Variants in XIRP2 observed in about 807,000 individuals in gnomAD.
XIRP2 encodes xin actin-binding repeat-containing protein 2.
Under a neutral mutation model 277.0 loss-of-function variants are expected in XIRP2, and 236 were observed. That is an observed-to-expected ratio of 0.85 (90% CI 0.77 to 0.95). XIRP2 has a LOEUF of 0.95. Ranked by LOEUF, XIRP2 falls within the 40% of genes least tolerant of loss-of-function variation. The pLI is 0.00. For synonymous variants in XIRP2, 1,490 were observed against 1,416.5 expected, an observed-to-expected ratio of 1.05 and a Z score of -1.17; for missense variants, 4,640 against 4,157.5, an observed-to-expected ratio of 1.12 and a Z score of -3.19.
intron 2 of XIRP2, among the ~76,000 whole-genome samples, chr2:167,051,703 T>C (rs1188404263): frequency 6.6e-6 from 1 of 152,120 alleles, no homozygotes; most frequent in Non-Finnish European, 1.5e-5. Flanking sequence ...ACCTTTTTGG[T>C]CTAAGTATCT....
Position 167,212,920 on chromosome 2 carries a change from C to T in XIRP2, c.723+2025C>T, listed in dbSNP as rs534743901. Among the ~76,000 whole-genome samples, 742 of 127,220 alleles carry T rather than the reference C, an allele frequency of 5.8e-3. 8 individuals carry two copies. Among genetic ancestry groups the T allele is most frequent in the African/African-American group, 0.02 (692 of 34,330 alleles). 83.5% of individuals were successfully genotyped at this position (127,220 alleles called of 152,430 possible). On this transcript the variant is annotated intron_variant, in intron 4 of 10. Transcript: ENST00000409195. ...CCACCCCCCCACCCCTCTGCACACA[C>T]ACACACACACACCAAAAAAAATCAT...
intron 2 of XIRP2, among the ~76,000 whole-genome samples, chr2:166,971,128 A>T (rs910038052): frequency 1.3e-5 from 2 of 151,882 alleles, no homozygotes; most frequent in Non-Finnish European, 2.9e-5. Flanking sequence ...TAAGAGTAAA[A>T]CTCATCTCTT....
At chr2:167,106,318 G>A (rs1254586639) in intron 2 of XIRP2, among the ~76,000 whole-genome samples, 1 of 151,770 alleles carries the variant, frequency 6.6e-6, no homozygotes, top group African/African-American at 2.4e-5. Context: ...TTACATTTAA[G>A]TCTGTGATCA....
At position 167,247,258 on chromosome 2, in the gene XIRP2, T is replaced by C. The variant is rs756209535; in HGVS notation, c.5866T>C (p.Ser1956Pro). ...KKDAKAVMAG[S>P]SGEQKTDIHQ... ...AGATGCTAAAGCTGTGATGGCAGGA[T>C]CCTCGGGAGAGCAGAAAACAGATAT... is the stretch of plus-strand genomic sequence containing the variant. Residue 1956 changes from serine to proline, a missense_variant, in exon 9 of 11, where the codon TCC (serine) becomes CCC (proline). Coordinates refer to ENST00000409195, the MANE Select transcript of XIRP2 (RefSeq NM_152381.6). 7 of 1,613,644 alleles carry C rather than the reference T, an allele frequency of 4.3e-6. No homozygotes were observed.
intron 3 of XIRP2, among the ~76,000 whole-genome samples, chr2:167,156,487 G>T (rs76075937): frequency 6.8e-6 from 1 of 147,874 alleles, no homozygotes; most frequent in African/African-American, 2.7e-5. Context: ...TCTGTAAGAT[G>T]TATCTATAAT....
chr2:167,047,827 C>T (rs1408076149), intron 2 of XIRP2, among the ~76,000 whole-genome samples: 2 of 151,904 alleles, frequency 1.3e-5, no homozygotes, highest in East Asian at 3.9e-4. Flanking sequence ...GGCAGTGGAA[C>T]AAAGTGAATT....
intron 1 of XIRP2, chr2:166,889,908 G>T (rs1196359354): frequency 1.0e-5 from 1 of 99,088 alleles, no homozygotes; most frequent in East Asian, 2.3e-4. Context: ...CCTCAAGCAG[G>T]TATTGAATTA....
chr2:167,195,170 A>C (rs796147591), intron 3 of XIRP2, among the ~76,000 whole-genome samples: 2 of 152,288 alleles, frequency 1.3e-5, no homozygotes, highest in Non-Finnish European at 2.9e-5. Flanking sequence ...GAGTTGTAGA[A>C]AGCTACTAAG....
At chr2:167,222,751 A>G (rs1559028203) in intron 5 of XIRP2, among the ~76,000 whole-genome samples, 1 of 152,202 alleles carries the variant, frequency 6.6e-6, no homozygotes, top group Non-Finnish European at 1.5e-5. Flanking sequence ...TGGAACAGAT[A>G]TTAGAATAAA....
Position 167,252,044 on chromosome 2 carries a change from A to C in XIRP2, c.10555+97A>C, listed in dbSNP as rs1695527349. 3.4e-6 allele frequency: 5 copies of C among 1,482,814 alleles called. No homozygotes were observed. In the Admixed American group the frequency reaches 1.2e-4, roughly 36 times the overall value. The allele number at this position is 1,482,814 out of a possible 1,614,324, so 91.9% of individuals were successfully genotyped here. On this transcript the variant is annotated intron_variant, in intron 9 of 10. Coordinates refer to ENST00000409195, the MANE Select transcript of XIRP2 (RefSeq NM_152381.6). ...ACAGTTAAAAAGAGTGCGTGGAAAC[A>C]ACCAAACAATATAACCTAAAACTAA... is the stretch of plus-strand genomic sequence containing the variant.
chr2:167,209,736 G>T (rs190668422), intron 3 of XIRP2, among the ~76,000 whole-genome samples: 8 of 151,928 alleles, frequency 5.3e-5, no homozygotes, highest in Non-Finnish European at 1.0e-4. Context: ...TGACAACAAA[G>T]ATCACTAGAT....
intron 4 of XIRP2, among the ~76,000 whole-genome samples, chr2:167,215,505 T>C (rs1015977606): frequency 6.6e-6 from 1 of 152,184 alleles, no homozygotes; most frequent in Non-Finnish European, 1.5e-5. Context: ...AACCCCAAGA[T>C]AGGCACTACA....
chr2:167,175,641 T>C (rs568877313), intron 3 of XIRP2, among the ~76,000 whole-genome samples: 1 of 152,284 alleles, frequency 6.6e-6, no homozygotes, highest in African/African-American at 2.4e-5. Context: ...GAGGCAGTCA[T>C]GTCCCTTAAC....
At chr2:167,176,995 C>G (rs1692865469) in intron 3 of XIRP2, among the ~76,000 whole-genome samples, 1 of 152,222 alleles carries the variant, frequency 6.6e-6, no homozygotes, top group African/African-American at 2.4e-5. Flanking sequence ...TGAGGTTTCT[C>G]TCTTCAATCC....
intron 2 of XIRP2, among the ~76,000 whole-genome samples, chr2:167,031,170 T>C (rs1262017948): frequency 6.6e-6 from 1 of 152,170 alleles, no homozygotes; most frequent in Non-Finnish European, 1.5e-5. Flanking sequence ...TGACTTTTGA[T>C]TGGGGCATTT....
At chr2:167,193,539 C>T (rs1693410134) in intron 3 of XIRP2, among the ~76,000 whole-genome samples, 1 of 152,124 alleles carries the variant, frequency 6.6e-6, no homozygotes. Context: ...CAACCAATAA[C>T]CACAATATCA....
intron 2 of XIRP2, among the ~76,000 whole-genome samples, chr2:167,026,679 G>T: frequency 6.6e-6 from 1 of 152,202 alleles, no homozygotes; most frequent in African/African-American, 2.4e-5. Context: ...GCATTTGCTT[G>T]TCTGTAAAGT....
At chr2:166,904,095 C>G (rs561128557) in intron 2 of XIRP2, among the ~76,000 whole-genome samples, 7 of 152,172 alleles carry the variant, frequency 4.6e-5, no homozygotes, top group Admixed American at 4.6e-4. Flanking sequence ...CTTCCTTTTT[C>G]TTCCATAAAA....
At chr2:167,062,477 A>C (rs1689194814) in intron 2 of XIRP2, among the ~76,000 whole-genome samples, 1 of 152,184 alleles carries the variant, frequency 6.6e-6, no homozygotes, top group South Asian at 2.1e-4. Flanking sequence ...ATACTACAGT[A>C]TTCCTGTTAC....
Sources: allele counts gnomAD v4.1 joint callset (sites outside exome capture counted in the v4.1 genomes callset), GRCh38; gene constraint gnomAD v4.1.1; transcripts MANE v1.5; gene names NCBI Gene and HGNC (gene_info 2026-07-23, HGNC 2026-07-21).